GAS7: variants seen among roughly 807,000 people sequenced by gnomAD.
GAS7 encodes the protein growth arrest specific 7, also known as growth arrest-specific protein 7.
A neutral mutation model predicts 71.1 loss-of-function variants in GAS7; 28 were observed. The ratio of observed to expected loss-of-function variants is 0.39; its 90% CI spans 0.29 to 0.54. The LOEUF (loss-of-function observed/expected upper bound fraction) is 0.54, where lower values mean the gene tolerates loss of function less well. Among genes scored for constraint, GAS7 ranks in the 20% least tolerant of loss-of-function variants. GAS7 has a pLI of 0.62. For missense variants in GAS7, 436 were observed against 627.8 expected (o/e 0.69, Z 3.27); for synonymous variants, 258 against 245.8 (o/e 1.05, Z -0.46).
intron 1 of GAS7, among the ~76,000 whole-genome samples, chr17:10,159,356 G>A (rs1484262825): frequency 6.6e-6 from 1 of 151,846 alleles, no homozygotes; most frequent in African/African-American, 2.4e-5. Context: ...AAACATGTAC[G>A]AGAATGTTCA....
At chr17:10,040,215 G>A (rs1050206701) in intron 1 of GAS7, among the ~76,000 whole-genome samples, 34 of 152,230 alleles carry the variant, frequency 2.2e-4, no homozygotes, top group Non-Finnish European at 4.6e-4. Context: ...TGGGTCAGAA[G>A]AACAAGCCAC....
chr17:9,987,327 G>T (rs2152137771), intron 2 of GAS7, among the ~76,000 whole-genome samples: 1 of 152,324 alleles, frequency 6.6e-6, no homozygotes, highest in African/African-American at 2.4e-5. Context: ...TTTCCTAGTG[G>T]TAACTAGAAC....
At chr17:10,009,671 CAA>C (rs373722135) in intron 2 of GAS7, among the ~76,000 whole-genome samples, 1,349 of 78,264 alleles carry the variant, frequency 0.017, 27 homozygotes, top group African/African-American at 0.051. Context: ...GACCCCTTCT[CAA>C]AAAAAAAAAA....
intron 4 of GAS7, among the ~76,000 whole-genome samples, chr17:9,967,269 G>C (rs2069757201): frequency 6.6e-6 from 1 of 151,032 alleles, no homozygotes; most frequent in Non-Finnish European, 1.5e-5. Context: ...CAAGTGTAAA[G>C]AAAATAAAAT....
At chr17:9,965,873 G>A (rs2069687162) in intron 4 of GAS7, among the ~76,000 whole-genome samples, 2 of 152,050 alleles carry the variant, frequency 1.3e-5, no homozygotes, top group African/African-American at 4.8e-5. Flanking sequence ...AGCGGGGCAG[G>A]CACCCTCAGG....
At position 10,162,066 on chromosome 17, in the gene GAS7, C is replaced by CAAAAAA. The variant is rs58368044; in HGVS notation, c.183+36136_183+36141dup. Among the ~76,000 whole-genome samples, 23 of 103,588 alleles carry CAAAAAA rather than the reference C, an allele frequency of 2.2e-4. 1 individual carries two copies. The highest frequency in any genetic ancestry group is 4.2e-4 in the African/African-American group (11 of 26,078). The allele number at this position is 103,588 out of a possible 152,430, so 68.0% of individuals were successfully genotyped here. A position where few individuals can be genotyped will look rare whatever the true frequency, so the allele number is the denominator to read the frequency against. Reference sequence around the variant, plus strand: ...TGGGCGACAGAGCAAGACTCCATCTCAAAAAAAAAAAAAAAAAAAAAATCG... The same window carrying CAAAAAA: ...TGGGCGACAGAGCAAGACTCCATCTCAAAAAAAAAAAAAAAAAAAAAAAAAAAATCG... On this transcript the variant is annotated intron_variant, in intron 1 of 13. Transcript: ENST00000432992.
At chr17:10,017,137 T>TAAAA (rs1178625402) in intron 2 of GAS7, among the ~76,000 whole-genome samples, 3 of 102,388 alleles carry the variant, frequency 2.9e-5, no homozygotes, top group African/African-American at 1.3e-4. Flanking sequence ...TCTAAAAAAA[T>TAAAA]AAATAAATAA....
chr17:10,030,088 C>A (rs1042172621), intron 1 of GAS7, among the ~76,000 whole-genome samples: 1 of 152,174 alleles, frequency 6.6e-6, no homozygotes, highest in Non-Finnish European at 1.5e-5. Flanking sequence ...CCACTCTTGT[C>A]TTTTCCTAGA....
At chr17:9,923,264 G>T (rs1269981004) in intron 11 of GAS7, among the ~76,000 whole-genome samples, 1 of 143,766 alleles carries the variant, frequency 7.0e-6, no homozygotes, top group Non-Finnish European at 1.5e-5. Flanking sequence ...AAAAAAGTAA[G>T]AAAAAACCCT....
At chr17:10,050,203 T>C (rs1046795412) in intron 1 of GAS7, among the ~76,000 whole-genome samples, 1 of 152,170 alleles carries the variant, frequency 6.6e-6, no homozygotes, top group African/African-American at 2.4e-5. Context: ...TCCCATCACA[T>C]TTGACATCCC....
intron 1 of GAS7, among the ~76,000 whole-genome samples, chr17:10,136,258 G>A (rs773380062): frequency 6.6e-6 from 1 of 152,144 alleles, no homozygotes; most frequent in Non-Finnish European, 1.5e-5. Context: ...CTTCCTCTGG[G>A]TATCAGATCA....
At chr17:10,100,028 A>G (rs2152260663) in intron 1 of GAS7, among the ~76,000 whole-genome samples, 1 of 152,226 alleles carries the variant, frequency 6.6e-6, no homozygotes, top group East Asian at 1.9e-4. Flanking sequence ...GAGACAAGAA[A>G]AGAGGAGGTT....
chr17:10,025,933 T>C (rs1016149704), intron 1 of GAS7, among the ~76,000 whole-genome samples: 1 of 152,216 alleles, frequency 6.6e-6, no homozygotes, highest in African/African-American at 2.4e-5. Flanking sequence ...CAGTGACTTA[T>C]TAAAGAAAAA....
At chr17:10,120,121 A>C in intron 1 of GAS7, among the ~76,000 whole-genome samples, 1 of 146,532 alleles carries the variant, frequency 6.8e-6, no homozygotes, top group South Asian at 2.2e-4. Flanking sequence ...CCCCGTGACA[A>C]TCCCCCCCCA....
chr17:9,949,120 G>A (rs374975730), intron 5 of GAS7, among the ~76,000 whole-genome samples: 15 of 152,246 alleles, frequency 9.9e-5, no homozygotes, highest in Admixed American at 2.0e-4. Flanking sequence ...ATAGGAGGGC[G>A]GACAGCATCT....
chr17:10,011,001 C>G (rs1176429207), intron 2 of GAS7, among the ~76,000 whole-genome samples: 1 of 152,202 alleles, frequency 6.6e-6, no homozygotes, highest in Non-Finnish European at 1.5e-5. Flanking sequence ...GGCCCATAGG[C>G]CACAGTTTGC....
intron 8 of GAS7, 91 bp from the exon 9 acceptor site, chr17:9,934,335 A>G: frequency 1.2e-6 from 1 of 830,638 alleles, no homozygotes; most frequent in South Asian, 1.4e-5. Context: ...TCGGGGAGGT[A>G]TATGACAGCT....
At chr17:10,127,661 C>G (rs2073961472) in intron 1 of GAS7, among the ~76,000 whole-genome samples, 1 of 151,952 alleles carries the variant, frequency 6.6e-6, no homozygotes, top group Non-Finnish European at 1.5e-5. Context: ...CAGAAAATCC[C>G]CCGATTCCAG....
intron 1 of GAS7, among the ~76,000 whole-genome samples, chr17:10,093,874 T>C (rs1302839381): frequency 6.6e-6 from 1 of 152,198 alleles, no homozygotes; most frequent in Admixed American, 6.5e-5. Context: ...ACCTCTCATT[T>C]TAAATCCTTT....
Sources: allele counts gnomAD v4.1 joint callset (sites outside exome capture counted in the v4.1 genomes callset), GRCh38; gene constraint gnomAD v4.1.1; transcripts MANE v1.5; gene names NCBI Gene and HGNC (gene_info 2026-07-23, HGNC 2026-07-21).